The following APCDD1 variants were observed in gnomAD, a reference collection of about 807,000 sequenced individuals.
APCDD1 encodes the protein APC down-regulated 1, also known as protein APCDD1.
A neutral mutation model predicts 38.1 loss-of-function variants in APCDD1; 15 were observed. The observed-to-expected ratio is 0.39, with a 90% CI of 0.26 to 0.61. The LOEUF (loss-of-function observed/expected upper bound fraction) is 0.61. Ranked by LOEUF, APCDD1 falls within the 20% of genes least tolerant of loss-of-function variation. APCDD1 has a pLI of 0.49. For missense variants in APCDD1, 647 were observed against 696.2 expected, an observed-to-expected ratio of 0.93 and a Z score of 0.79; for synonymous variants, 261 against 279.7, an observed-to-expected ratio of 0.93 and a Z score of 0.67.
rs1389116933 is a variant in APCDD1 at position 10,487,581 on chromosome 18, C to T, written c.1097-9C>T. ...CTGGAGTCATGGAACTCTCCTTTCTCCTTTGCAGTGAATCACATGAAGGTC... is the reference window on the plus strand; with the variant it reads ...CTGGAGTCATGGAACTCTCCTTTCTTCTTTGCAGTGAATCACATGAAGGTC... On this transcript the variant is annotated splice_polypyrimidine_tract_variant and intron_variant, in intron 4 of 4. Transcript: ENST00000355285. 3 of 1,613,794 alleles carry T rather than the reference C, an allele frequency of 1.9e-6. No homozygotes were observed. The highest frequency in any genetic ancestry group is 1.7e-5 in the Admixed American group (1 of 60,010).
Position 10,467,078 on chromosome 18 carries a change from A to C in APCDD1, c.59-1391A>C, listed in dbSNP as rs1365759957. 6.6e-6 allele frequency among the ~76,000 whole-genome samples: 1 copy of C among 152,216 alleles called. No homozygotes were observed. The highest frequency in any genetic ancestry group is 2.4e-5 in the African/African-American group (1 of 41,446). On this transcript the variant is annotated intron_variant, in intron 1 of 4. Coordinates refer to ENST00000355285, the MANE Select transcript of APCDD1 (RefSeq NM_153000.5). This position sits in a 1 kb window ranked among gnomAD's most constrained non-coding sequence, Gnocchi z 4.8. Reference sequence around the variant, plus strand: ...TGTCTTCTCAACACCAAGACTTTCCATCAAAAACTAGTTTAGTCTTTTGAA... The same window carrying C: ...TGTCTTCTCAACACCAAGACTTTCCCTCAAAAACTAGTTTAGTCTTTTGAA...
rs936665757 is a variant in APCDD1 at position 10,476,485 on chromosome 18, A to G, written c.774+4424A>G. ...TCAAGTTTAGCGTCAGAGCAGCCAT[A>G]ATCCTCTGCCGAGATTCTTCAGAAC... On this transcript the variant is annotated intron_variant, in intron 3 of 4. Coordinates refer to ENST00000355285, the MANE Select transcript of APCDD1 (RefSeq NM_153000.5). The surrounding 1 kb of genome is among the most constrained non-coding windows in gnomAD (Gnocchi z 5.8). 6.6e-6 allele frequency: 1 copy of G among 152,236 alleles called. No individual in the cohort carries two copies. The highest frequency in any genetic ancestry group is 2.4e-5 in the African/African-American group (1 of 41,456). The allele number at this position is 152,236 out of a possible 1,614,324, so 9.4% of individuals were successfully genotyped here. A position where few individuals can be genotyped will look rare whatever the true frequency, so the allele number is the denominator to read the frequency against.
intron 2 of APCDD1, among the ~76,000 whole-genome samples, chr18:10,468,872 C>T (rs114418217): frequency 1.2e-3 from 180 of 152,248 alleles, no homozygotes; most frequent in African/African-American, 4.1e-3. Context: ...TTATATTGTA[C>T]TCCTGTTAAC....
At chr18:10,457,783 C>G in intron 1 of APCDD1, among the ~76,000 whole-genome samples, 1 of 152,288 alleles carries the variant, frequency 6.6e-6, no homozygotes, top group South Asian at 2.1e-4. Flanking sequence ...TATTTCAATT[C>G]ATTGCAACTT....
In APCDD1 at chr18:10,473,476, T is replaced by C. The variant is rs189869776; in HGVS notation, c.774+1415T>C. Reference sequence around the variant, plus strand: ...TCTGCCTTGTAAGTTTCAAATGCACTGAAGAGGCCAACATGAATTAGGGCA... The same window carrying C: ...TCTGCCTTGTAAGTTTCAAATGCACCGAAGAGGCCAACATGAATTAGGGCA... On this transcript the variant is annotated intron_variant, in intron 3 of 4. Coordinates refer to ENST00000355285, the MANE Select transcript of APCDD1 (RefSeq NM_153000.5). 2.3e-3 allele frequency among the ~76,000 whole-genome samples: 346 copies of C among 152,350 alleles called. 3 individuals are homozygous for C. The highest frequency in any genetic ancestry group is 3.4e-3 in the Middle Eastern group (1 of 294).
chr18:10,480,673 G>A (rs1020136154), intron 3 of APCDD1, among the ~76,000 whole-genome samples: 1 of 151,160 alleles, frequency 6.6e-6, no homozygotes, highest in East Asian at 2.0e-4. Context: ...ACCAGCCTGG[G>A]CAACATGGTG....
Position 10,485,857 on chromosome 18 carries a change from G to A in APCDD1, c.1096+74G>A. 7.3e-6 allele frequency: 11 copies of A among 1,506,846 alleles called. No individual in the cohort carries two copies. Among genetic ancestry groups the A allele is most frequent in the Non-Finnish European group, 9.9e-6 (11 of 1,106,074 alleles). The allele number at this position is 1,506,846 out of a possible 1,614,324, so 93.3% of individuals were successfully genotyped here. A position where few individuals can be genotyped will look rare whatever the true frequency, so the allele number is the denominator to read the frequency against. On this transcript the variant is annotated intron_variant, in intron 4 of 4. Transcript: ENST00000355285. This position sits in a 1 kb window ranked among gnomAD's most constrained non-coding sequence, Gnocchi z 5.8. Reference sequence around the variant, plus strand: ...GTGACATTTTTGTGGAGGCAGAGCTGAGGGAAAGGACCTCTTTTCTGCCTG... The same window carrying A: ...GTGACATTTTTGTGGAGGCAGAGCTAAGGGAAAGGACCTCTTTTCTGCCTG...
intron 3 of APCDD1, among the ~76,000 whole-genome samples, chr18:10,480,417 C>G (rs530237473): frequency 1.3e-4 from 20 of 152,196 alleles, no homozygotes; most frequent in Non-Finnish European, 2.6e-4. Context: ...CTGTAGGTCT[C>G]TAATTTTTAT....
chr18:10,476,693 A>G lies in APCDD1; in HGVS notation c.774+4632A>G, dbSNP rs993156258. ...ATTTAACCACAGGATCGTAAATCAAAGGGGCTGTCTGAAAACCAGACAGCC... is the reference window on the plus strand; with the variant it reads ...ATTTAACCACAGGATCGTAAATCAAGGGGGCTGTCTGAAAACCAGACAGCC... On this transcript the variant is annotated intron_variant, in intron 3 of 4. Coordinates refer to ENST00000355285, the MANE Select transcript of APCDD1 (RefSeq NM_153000.5). The surrounding 1 kb of genome is among the most constrained non-coding windows in gnomAD (Gnocchi z 5.8). 6.6e-6 allele frequency: 1 copy of G among 152,188 alleles called. No homozygotes were observed. Among genetic ancestry groups the G allele is most frequent in the African/African-American group, 2.4e-5 (1 of 41,438 alleles). 9.4% of individuals were successfully genotyped at this position (152,188 alleles called of 1,614,324 possible). A position where few individuals can be genotyped will look rare whatever the true frequency, so the allele number is the denominator to read the frequency against.
intron 1 of APCDD1, among the ~76,000 whole-genome samples, chr18:10,463,247 C>G (rs1433177502): frequency 1.3e-5 from 2 of 152,272 alleles, no homozygotes; most frequent in East Asian, 3.9e-4. Context: ...AATTCAGACC[C>G]TGCCCCCTCT....
chr18:10,470,564 G>A lies in APCDD1; in HGVS notation c.243-966G>A, dbSNP rs973234428. On this transcript the variant is annotated intron_variant, in intron 2 of 4. Coordinates refer to ENST00000355285, the MANE Select transcript of APCDD1 (RefSeq NM_153000.5). The surrounding 1 kb of genome is among the most constrained non-coding windows in gnomAD (Gnocchi z 4.1). ...TGCTTGATTTAGCAGCGCTTCGTCA[G>A]TTCAAACCAGAATCTGTGTTAGCAT... is the stretch of plus-strand genomic sequence containing the variant. Among the ~76,000 whole-genome samples the A allele has an allele frequency of 2.3e-4, 35 of 152,250 alleles. No homozygotes were observed. The highest frequency in any genetic ancestry group is 7.5e-4 in the African/African-American group (31 of 41,466).
intron 1 of APCDD1, among the ~76,000 whole-genome samples, chr18:10,462,825 C>A (rs1345311765): frequency 6.6e-6 from 1 of 152,132 alleles, no homozygotes; most frequent in Non-Finnish European, 1.5e-5. Context: ...TTATCTTTCT[C>A]ATTTATCCAG....
In APCDD1 at chr18:10,477,000, C is replaced by G. The variant is rs2031017328; in HGVS notation, c.774+4939C>G. 6.6e-6 allele frequency: 1 copy of G among 152,268 alleles called. No homozygotes were observed. Among genetic ancestry groups the G allele is most frequent in the Admixed American group, 6.5e-5 (1 of 15,280 alleles). The allele number at this position is 152,268 out of a possible 1,614,324, so 9.4% of individuals were successfully genotyped here. ...GATGTTGAGTCAGGTGGTCTTGGAG[C>G]CTGGACTTTTCAGCCTAGCTGCAGG... On this transcript the variant is annotated intron_variant, in intron 3 of 4. Coordinates refer to ENST00000355285, the MANE Select transcript of APCDD1 (RefSeq NM_153000.5). The surrounding 1 kb of genome is among the most constrained non-coding windows in gnomAD (Gnocchi z 5.8).
intron 1 of APCDD1, among the ~76,000 whole-genome samples, 182 bp downstream of exon 1, chr18:10,455,221 T>G (rs183694402): frequency 6.6e-6 from 1 of 152,292 alleles, no homozygotes; most frequent in East Asian, 1.9e-4. Context: ...CTGCCCACTT[T>G]CCGAGGCTTG....
chr18:10,457,261 G>A (rs76443745), intron 1 of APCDD1, among the ~76,000 whole-genome samples: 9,763 of 152,230 alleles, frequency 0.064, 388 homozygotes, highest in Middle Eastern at 0.11. Context: ...AGAAAAGAAT[G>A]GGATATTCTT....
At chr18:10,482,662 G>C (rs2031167339) in intron 3 of APCDD1, among the ~76,000 whole-genome samples, 1 of 152,132 alleles carries the variant, frequency 6.6e-6, no homozygotes, top group Non-Finnish European at 1.5e-5. Context: ...TTGAATCCAA[G>C]TTCCCAGCCA....
intron 1 of APCDD1, among the ~76,000 whole-genome samples, chr18:10,457,416 G>A (rs1307979242): frequency 6.6e-6 from 1 of 152,212 alleles, no homozygotes; most frequent in Non-Finnish European, 1.5e-5. Context: ...GAATTCTGTA[G>A]TAACAGATGG....
chr18:10,454,875 C>A lies in APCDD1; in HGVS notation c.-107C>A. On this transcript the variant is annotated 5_prime_UTR_variant, in exon 1 of 5. Transcript: ENST00000355285. ...GCGCGGCAGCCGCCTGAAGCCCCGGCCTGGCCCGGCCGCACCCGGCCGGAG... is the reference window on the plus strand; with the variant it reads ...GCGCGGCAGCCGCCTGAAGCCCCGGACTGGCCCGGCCGCACCCGGCCGGAG... 1 of 1,235,636 alleles carries A rather than the reference C, an allele frequency of 8.1e-7. No individual in the cohort carries two copies. Among genetic ancestry groups the A allele is most frequent in the South Asian group, 2.4e-5 (1 of 40,932 alleles). The allele number at this position is 1,235,636 out of a possible 1,614,324, so 76.5% of individuals were successfully genotyped here.
Position 10,485,671 on chromosome 18 carries a change from C to T in APCDD1, c.984C>T (p.His328=). The change falls in exon 4 of 5, where the codon CAC becomes CAT. Residue 328 remains histidine, a synonymous_variant. Transcript: ENST00000355285. The surrounding 1 kb of genome is among the most constrained non-coding windows in gnomAD (Gnocchi z 5.8). ...NNNTWEGHYY[H]YSDPVCKHPT... ...ACACCTGGGAGGGCCACTACTACCA[C>T]TACTCAGACCCGGTGTGCAAGCACC... is the stretch of plus-strand genomic sequence containing the variant. The T allele has an allele frequency of 6.2e-7, 1 of 1,614,218 alleles. No homozygotes were observed. Among genetic ancestry groups the T allele is most frequent in the South Asian group, 1.1e-5 (1 of 91,082 alleles).
Sources: allele counts gnomAD v4.1 joint callset (sites outside exome capture counted in the v4.1 genomes callset), GRCh38; gene constraint gnomAD v4.1.1; non-coding constraint Gnocchi (gnomAD v3.1); transcripts MANE v1.5; gene names NCBI Gene and HGNC (gene_info 2026-07-23, HGNC 2026-07-21).